ADCY8: variants seen among roughly 807,000 people sequenced by gnomAD.
ADCY8 encodes the protein adenylate cyclase type 8.
ADCY8 carries 51 observed loss-of-function variants against 119.7 expected under a neutral mutation model. That is an observed-to-expected ratio of 0.43 (90% CI 0.34 to 0.54). ADCY8 has a LOEUF of 0.54. Ranked by LOEUF, ADCY8 falls within the 20% of genes least tolerant of loss-of-function variation. The pLI is 0.03. For missense variants in ADCY8, 1,383 were observed against 1,598.8 expected (o/e 0.87, Z 2.30); for synonymous variants, 665 against 651.0 (o/e 1.02, Z -0.33).
intron 8 of ADCY8, among the ~76,000 whole-genome samples, chr8:130,876,162 T>C (rs1008356065): frequency 7.9e-5 from 12 of 152,088 alleles, no homozygotes; most frequent in Non-Finnish European, 1.5e-5. Context: ...GCGATTCTTG[T>C]GCCTCAGCCT....
intron 6 of ADCY8, among the ~76,000 whole-genome samples, chr8:130,908,511 CAAAAA>C (rs111364640): frequency 0.11 from 16,732 of 151,860 alleles, 941 homozygotes; most frequent in Non-Finnish European, 0.12. Flanking sequence ...GCACAGTGTA[CAAAAA>C]AAAGCGCTTC....
At chr8:131,008,812 A>G (rs1208223183) in intron 1 of ADCY8, among the ~76,000 whole-genome samples, 1 of 152,198 alleles carries the variant, frequency 6.6e-6, no homozygotes, top group African/African-American at 2.4e-5. Context: ...TGATATGGAC[A>G]ATGAAGTCCA....
chr8:130,830,528 T>C (rs896633574), intron 12 of ADCY8, among the ~76,000 whole-genome samples: 16 of 152,096 alleles, frequency 1.1e-4, no homozygotes, highest in Non-Finnish European at 2.9e-5. Context: ...TCTCTCTCAA[T>C]AGAGAGAGAG....
At chr8:130,965,256 G>T (rs918937192) in intron 2 of ADCY8, among the ~76,000 whole-genome samples, 1 of 152,122 alleles carries the variant, frequency 6.6e-6, no homozygotes, top group Admixed American at 6.6e-5. Context: ...CTTGGCCAAG[G>T]CTGAAATCTA....
At chr8:130,880,253 A>C (rs1449785930) in intron 8 of ADCY8, among the ~76,000 whole-genome samples, 1 of 152,190 alleles carries the variant, frequency 6.6e-6, no homozygotes, top group Non-Finnish European at 1.5e-5. Context: ...ATTCACACTC[A>C]TGTAAGACCA....
chr8:130,791,137 A>G (rs1815414057), intron 15 of ADCY8, among the ~76,000 whole-genome samples: 1 of 152,220 alleles, frequency 6.6e-6, no homozygotes, highest in African/African-American at 2.4e-5. Flanking sequence ...GCTCTCTCTC[A>G]TGAAGCTTAT....
intron 11 of ADCY8, among the ~76,000 whole-genome samples, chr8:130,842,302 G>A (rs1411016666): frequency 6.6e-6 from 1 of 152,046 alleles, no homozygotes; most frequent in Non-Finnish European, 1.5e-5. Flanking sequence ...ACCTGTGGAT[G>A]TATGGTTTTC....
chr8:130,799,393 A>G (rs1448846686), intron 15 of ADCY8, among the ~76,000 whole-genome samples: 1 of 152,242 alleles, frequency 6.6e-6, no homozygotes, highest in African/African-American at 2.4e-5. Flanking sequence ...ATTTTGCACC[A>G]TAAATATATA....
intron 9 of ADCY8, among the ~76,000 whole-genome samples, chr8:130,852,260 T>C (rs539313569): frequency 6.6e-6 from 1 of 152,302 alleles, no homozygotes; most frequent in Admixed American, 6.5e-5. Flanking sequence ...GAGGTTTTTT[T>C]TGTTTGTTTT....
chr8:130,824,108 C>G (rs1485227076), intron 12 of ADCY8, among the ~76,000 whole-genome samples: 3 of 152,290 alleles, frequency 2.0e-5, no homozygotes, highest in African/African-American at 7.2e-5. Context: ...GAACTCATAG[C>G]TCAGGCACCA....
rs551956656 is a variant in ADCY8 at position 131,033,614 on chromosome 8, T to A, written c.960+5760A>T. 3.0e-4 allele frequency among the ~76,000 whole-genome samples: 45 copies of A among 150,090 alleles called. 1 individual carries two copies. In the South Asian group the frequency reaches 6.2e-3, roughly 21 times the overall value. On this transcript the variant is annotated intron_variant, in intron 1 of 17. Transcript: ENST00000286355. ...TTGCAAAGCACACACTACACAATCA[T>A]TTTACAACTCTCTAAATACAGAGAC...
At chr8:131,039,318 G>A (rs1824271488) in intron 1 of ADCY8, 56 bp downstream of exon 1, 1 of 1,586,070 alleles carries the variant, frequency 6.3e-7, no homozygotes, top group Non-Finnish European at 8.6e-7. Context: ...GAAGCTATAT[G>A]ATCAATAACC....
chr8:130,851,692 A>T (rs1156365997), intron 9 of ADCY8, among the ~76,000 whole-genome samples: 1 of 152,184 alleles, frequency 6.6e-6, no homozygotes, highest in Non-Finnish European at 1.5e-5. Context: ...GCAGGGAAAG[A>T]TGTGGAGGTA....
chr8:130,844,202 A>G (rs1039219841), intron 11 of ADCY8, among the ~76,000 whole-genome samples: 1 of 152,188 alleles, frequency 6.6e-6, no homozygotes, highest in Non-Finnish European at 1.5e-5. Flanking sequence ...CCTGAGAACC[A>G]CATCCAGATG....
intron 2 of ADCY8, among the ~76,000 whole-genome samples, chr8:130,967,111 G>T (rs1273489738): frequency 2.0e-5 from 3 of 152,116 alleles, no homozygotes; most frequent in Non-Finnish European, 4.4e-5. Flanking sequence ...CTGGCATTTG[G>T]GTTTATATAT....
rs939631249 is a variant in ADCY8, at chr8:130,838,060, A to G, written c.2503-1611T>C. ...TTACATAGACAATTTTTGTATGGGC[A>G]GGGGTGTTGGGTAAGAATTTCCAAA... is the stretch of plus-strand genomic sequence containing the variant. On this transcript the variant is annotated intron_variant, in intron 11 of 17. Coordinates refer to ENST00000286355, the MANE Select transcript of ADCY8 (RefSeq NM_001115.3). Among the ~76,000 whole-genome samples, 18 of 152,208 alleles carry G rather than the reference A, an allele frequency of 1.2e-4. 1 individual carries two copies. The highest frequency in any genetic ancestry group is 1.3e-4 in the Non-Finnish European group (9 of 68,036).
chr8:130,821,307 G>C, intron 13 of ADCY8, 35 bp downstream of exon 13: 1 of 1,574,762 alleles, frequency 6.4e-7, no homozygotes, highest in Non-Finnish European at 8.7e-7. Context: ...AGAAATGTCA[G>C]GTAACAGAGC....
At chr8:130,816,402 C>T (rs775117886) in intron 13 of ADCY8, among the ~76,000 whole-genome samples, 1 of 150,010 alleles carries the variant, frequency 6.7e-6, no homozygotes, top group Admixed American at 6.7e-5. Flanking sequence ...TGCACACACA[C>T]ATATTTCTTA....
In ADCY8 at chr8:130,847,476, T is replaced by A. The variant is rs1817367935; in HGVS notation, c.2450A>T (p.Asn817Ile). 1.2e-6 allele frequency: 2 copies of A among 1,610,922 alleles called. No homozygotes were observed. The highest frequency in any genetic ancestry group is 1.7e-6 in the Non-Finnish European group (2 of 1,179,024). ...CDFDKSIPLK[N>I]LTFNSSAVFT... The stretch of plus-strand genomic sequence containing the variant: ...CACAGCTGAGGAATTGAAAGTCAGG[T>A]TCTTCAAGGGTATCGACTTGTCAAA... Residue 817 changes from asparagine to isoleucine, a missense_variant, in exon 11 of 18, where the codon AAC becomes ATC. Around this residue, in one of 2 missense-constraint regions of ADCY8, gnomAD observed 928 missense variants for 1,163.5 expected, o/e 0.80. Coordinates refer to ENST00000286355, the MANE Select transcript of ADCY8 (RefSeq NM_001115.3).
Sources: allele counts gnomAD v4.1 joint callset (sites outside exome capture counted in the v4.1 genomes callset), GRCh38; gene constraint gnomAD v4.1.1; regional missense constraint gnomAD v4.1.1; transcripts MANE v1.5; gene names NCBI Gene and HGNC (gene_info 2026-07-23, HGNC 2026-07-21).